SGCG: variants seen among roughly 807,000 people sequenced by gnomAD.
SGCG encodes the protein sarcoglycan gamma, also known as gamma-sarcoglycan.
SGCG carries 26 observed loss-of-function variants against 29.3 expected under a neutral mutation model. The ratio of observed to expected loss-of-function variants is 0.89; its 90% confidence interval spans 0.65 to 1.23. The LOEUF is 1.23. Ranked by LOEUF, SGCG falls within the 50% of genes most tolerant of loss-of-function variation. The probability of loss-of-function intolerance (pLI) is 0.00; values close to 1 mark genes in which losing one functional copy is unlikely to be tolerated. For missense variants in SGCG, 353 were observed against 356.0 expected (o/e 0.99, Z 0.07); for synonymous variants, 145 against 129.7 (o/e 1.12, Z -0.80).
chr13:23,317,591 CTTTAT>C (rs1287033128), intron 6 of SGCG, among the ~76,000 whole-genome samples: 2 of 152,098 alleles, frequency 1.3e-5, no homozygotes, highest in Non-Finnish European at 2.9e-5. Context: ...AAGAAAATAT[CTTTAT>C]TTTCTTTTCC....
At position 23,226,793 on chromosome 13, in the gene SGCG, G is replaced by A. The variant is rs146089981; in HGVS notation, c.196-7818G>A. The stretch of plus-strand genomic sequence containing the variant: ...AGTGTTCAGTGGGTACCGAGTTGCA[G>A]TTTAGGAAGATGAAAAGAGTTCTGG... On this transcript the variant is annotated intron_variant, in intron 2 of 7. Transcript: ENST00000218867. Among the ~76,000 whole-genome samples, 54 of 152,270 alleles carry A rather than the reference G, an allele frequency of 3.5e-4. No homozygotes were observed. The East Asian group carries it at 0.01, about 29-fold the overall frequency.
chr13:23,275,524 C>A (rs1881039860), intron 4 of SGCG, among the ~76,000 whole-genome samples: 1 of 150,074 alleles, frequency 6.7e-6, no homozygotes, highest in African/African-American at 2.4e-5. Flanking sequence ...AAAAAGTGAT[C>A]ATCTTACAGC....
chr13:23,238,343 A>G (rs762791491), intron 3 of SGCG, among the ~76,000 whole-genome samples: 1 of 151,940 alleles, frequency 6.6e-6, no homozygotes, highest in Non-Finnish European at 1.5e-5. Flanking sequence ...ACCTCATCCC[A>G]CCCCCACCAA....
At chr13:23,250,909 G>A (rs910151278) in intron 4 of SGCG, among the ~76,000 whole-genome samples, 192 bp downstream of exon 4, 6 of 152,252 alleles carry the variant, frequency 3.9e-5, no homozygotes, top group African/African-American at 1.4e-4. Context: ...AGCCTGAAGT[G>A]CTTTGATTAG....
intron 2 of SGCG, among the ~76,000 whole-genome samples, chr13:23,224,964 A>T (rs1416625399): frequency 6.6e-6 from 1 of 152,056 alleles, no homozygotes; most frequent in Admixed American, 6.6e-5. Context: ...GCCAGTGAGC[A>T]CGGTCCCTGG....
intron 2 of SGCG, among the ~76,000 whole-genome samples, chr13:23,234,178 G>T (rs1005940746): frequency 6.6e-6 from 1 of 152,148 alleles, no homozygotes; most frequent in Admixed American, 6.5e-5. Flanking sequence ...GAACTCAGAT[G>T]ATGGTATTTA....
intron 3 of SGCG, among the ~76,000 whole-genome samples, chr13:23,242,126 G>A (rs1331038634): frequency 8.5e-5 from 13 of 152,246 alleles, no homozygotes; most frequent in Admixed American, 7.9e-4. Flanking sequence ...TCAAAGAATG[G>A]TAAGGAAATA....
intron 2 of SGCG, among the ~76,000 whole-genome samples, chr13:23,226,339 T>A (rs73435003): frequency 6.6e-6 from 1 of 151,986 alleles, no homozygotes; most frequent in African/African-American, 2.4e-5. Context: ...TCACTTATAA[T>A]GTCACCAAGA....
intron 2 of SGCG, among the ~76,000 whole-genome samples, chr13:23,233,775 C>T (rs867577721): frequency 2.0e-5 from 3 of 152,096 alleles, no homozygotes; most frequent in East Asian, 3.9e-4. Context: ...ATAGCATGAA[C>T]GCAGGAAAGG....
At chr13:23,255,347 G>T (rs1880138439) in intron 4 of SGCG, among the ~76,000 whole-genome samples, 1 of 152,122 alleles carries the variant, frequency 6.6e-6, no homozygotes, top group Admixed American at 6.5e-5. Context: ...ATCATATCTT[G>T]GAAGTAAATA....
intron 6 of SGCG, among the ~76,000 whole-genome samples, chr13:23,309,959 T>C (rs749785751): frequency 1.3e-5 from 2 of 152,162 alleles, no homozygotes; most frequent in Non-Finnish European, 2.9e-5. Flanking sequence ...ATGTTTATGC[T>C]AAAAGCATGT....
intron 5 of SGCG, among the ~76,000 whole-genome samples, chr13:23,281,618 T>C (rs1013030829): frequency 2.6e-5 from 4 of 152,182 alleles, no homozygotes; most frequent in Admixed American, 2.6e-4. Flanking sequence ...GGGACTGGTT[T>C]CATGGAAGAA....
intron 6 of SGCG, among the ~76,000 whole-genome samples, chr13:23,299,442 A>G (rs56078429): frequency 1.9e-4 from 1 of 5,294 alleles, no homozygotes; most frequent in Non-Finnish European, 3.6e-4. Flanking sequence ...ATATATATAT[A>G]TATATATATA....
rs367595212 is a variant in SGCG, at chr13:23,295,473, G to T, written c.564G>T (p.Pro188=). 1 of 1,613,356 alleles carries T rather than the reference G, an allele frequency of 6.2e-7. No individual in the cohort carries two copies. Among genetic ancestry groups the T allele is most frequent in the Non-Finnish European group, 8.5e-7 (1 of 1,179,346 alleles). ...SVETPLVRAD[P]FQDLRLESPT... Reference sequence around the variant, plus strand: ...AGACACCCCTTGTCAGAGCCGACCCGTTTCAAGACCTTAGGTAAGAATTTT... The same window carrying T: ...AGACACCCCTTGTCAGAGCCGACCCTTTTCAAGACCTTAGGTAAGAATTTT... The change falls in exon 6 of 8, where the codon CCG becomes CCT. Residue 188 remains proline (P), a synonymous_variant. Transcript: ENST00000218867.
At position 23,283,376 on chromosome 13, in the gene SGCG, CT is replaced by C. The variant is rs1881379815; in HGVS notation, c.505+3900del. Reference sequence around the variant, plus strand: ...GATTCCTTTACCATTATGTAATGCCCTTCTTTGTCTTTTTTTATCTTTGTTG... The same window carrying C: ...GATTCCTTTACCATTATGTAATGCCCTCTTTGTCTTTTTTTATCTTTGTTG... On this transcript the variant is annotated intron_variant, in intron 5 of 7. Coordinates refer to ENST00000218867, the MANE Select transcript of SGCG (RefSeq NM_000231.3). Among the ~76,000 whole-genome samples the C allele has an allele frequency of 2.6e-5, 4 of 152,230 alleles. No homozygotes were observed. In the South Asian group the frequency reaches 8.3e-4, roughly 32 times the overall value.
chr13:23,233,417 T>C (rs1879183772), intron 2 of SGCG, among the ~76,000 whole-genome samples: 1 of 152,172 alleles, frequency 6.6e-6, no homozygotes, highest in Admixed American at 6.5e-5. Flanking sequence ...GCCATATACA[T>C]ATATTTCAAA....
In SGCG at chr13:23,204,748, C is replaced by G. The variant is rs531025086; in HGVS notation, c.195+859C>G. Among the ~76,000 whole-genome samples the G allele has an allele frequency of 1.4e-3, 203 of 146,904 alleles. 2 individuals are homozygous for G. The highest frequency in any genetic ancestry group is 4.9e-3 in the African/African-American group (194 of 39,862). On this transcript the variant is annotated intron_variant, in intron 2 of 7. Coordinates refer to ENST00000218867, the MANE Select transcript of SGCG (RefSeq NM_000231.3). ...TGAGACGGAGTCTCACTCTGTTGCC[C>G]AGGCTGGAGTGCAGTGGTGCAATCT... is the stretch of plus-strand genomic sequence containing the variant.
intron 5 of SGCG, among the ~76,000 whole-genome samples, chr13:23,292,961 A>T (rs1279437226): frequency 6.6e-6 from 1 of 152,234 alleles, no homozygotes; most frequent in Non-Finnish European, 1.5e-5. Flanking sequence ...AAAGAAAAGG[A>T]TAAAATGAAT....
intron 2 of SGCG, among the ~76,000 whole-genome samples, chr13:23,219,146 C>A (rs1237894641): frequency 6.6e-6 from 1 of 151,300 alleles, no homozygotes; most frequent in Non-Finnish European, 1.5e-5. Context: ...CTCCTGGGTT[C>A]ACGCCATTCT....
Sources: allele counts gnomAD v4.1 joint callset (sites outside exome capture counted in the v4.1 genomes callset), GRCh38; gene constraint gnomAD v4.1.1; transcripts MANE v1.5; gene names NCBI Gene and HGNC (gene_info 2026-07-23, HGNC 2026-07-21).